CTNNA3: variants seen among roughly 807,000 people sequenced by gnomAD.
CTNNA3 encodes catenin alpha 3.
Under a neutral mutation model 95.7 loss-of-function variants are expected in CTNNA3, and 76 were observed. The observed-to-expected ratio is 0.79, with a 90% CI of 0.66 to 0.96. The LOEUF is 0.96. Ranked by LOEUF, CTNNA3 falls within the 40% of genes least tolerant of loss-of-function variation. CTNNA3 has a pLI of 0.00. For missense variants in CTNNA3, 1,191 were observed against 1,089.8 expected, an observed-to-expected ratio of 1.09 and a Z score of -1.31; for synonymous variants, 431 against 374.4, an observed-to-expected ratio of 1.15 and a Z score of -1.74.
At chr10:66,607,300 T>G (rs1026666395) in intron 10 of CTNNA3, among the ~76,000 whole-genome samples, 5 of 151,276 alleles carry the variant, frequency 3.3e-5, no homozygotes, top group Non-Finnish European at 7.4e-5. Flanking sequence ...AGCCCACCAA[T>G]CGAAGAAAAT....
intron 15 of CTNNA3, among the ~76,000 whole-genome samples, chr10:65,999,890 C>A: frequency 6.7e-6 from 1 of 150,192 alleles, no homozygotes. Flanking sequence ...AAACCAGAGG[C>A]CAGAAGTCTT....
intron 7 of CTNNA3, among the ~76,000 whole-genome samples, chr10:66,824,886 G>A (rs985204995): frequency 5.3e-5 from 8 of 152,100 alleles, no homozygotes; most frequent in Non-Finnish European, 1.0e-4. Flanking sequence ...CAAATGAAGT[G>A]TGGAGTTTGG....
At chr10:67,195,758 T>C (rs1415090240) in intron 6 of CTNNA3, among the ~76,000 whole-genome samples, 3 of 152,104 alleles carry the variant, frequency 2.0e-5, no homozygotes, top group Non-Finnish European at 4.4e-5. Flanking sequence ...GTAGAACTTA[T>C]ACACAGTCTT....
chr10:67,753,486 G>A (rs573947729), intron 1 of CTNNA3, among the ~76,000 whole-genome samples: 1 of 152,110 alleles, frequency 6.6e-6, no homozygotes, highest in South Asian at 2.1e-4. Flanking sequence ...AAATGAAAGA[G>A]CTTCTGCACA....
At chr10:67,632,352 G>A (rs992150925) in intron 2 of CTNNA3, among the ~76,000 whole-genome samples, 1 of 151,524 alleles carries the variant, frequency 6.6e-6, no homozygotes, top group Non-Finnish European at 1.5e-5. Context: ...CCCTGGGGTA[G>A]ATGGCGGCGG....
intron 13 of CTNNA3, among the ~76,000 whole-genome samples, chr10:66,115,440 CAA>C (rs1426353619): frequency 6.6e-6 from 1 of 151,742 alleles, no homozygotes; most frequent in Non-Finnish European, 1.5e-5. Context: ...AGTGGTTTTA[CAA>C]AAGTTTTCCA....
intron 5 of CTNNA3, among the ~76,000 whole-genome samples, chr10:67,429,690 G>GT (rs1467413118): frequency 6.6e-6 from 1 of 151,932 alleles, no homozygotes; most frequent in East Asian, 1.9e-4. Flanking sequence ...AATTGTGTAG[G>GT]TTTTTTTCTA....
chr10:67,329,064 T>A (rs1841673212), intron 5 of CTNNA3, among the ~76,000 whole-genome samples: 1 of 152,210 alleles, frequency 6.6e-6, no homozygotes, highest in African/African-American at 2.4e-5. Flanking sequence ...CCCACTGATC[T>A]AATGTTTAAT....
intron 13 of CTNNA3, among the ~76,000 whole-genome samples, chr10:66,161,798 G>C (rs536284472): frequency 6.6e-6 from 1 of 152,078 alleles, no homozygotes; most frequent in Non-Finnish European, 1.5e-5. Context: ...TATGTTTTCC[G>C]AATTTTTGGA....
Position 66,851,543 on chromosome 10 carries a change from G to A in CTNNA3, c.1048-76019C>T, listed in dbSNP as rs76631162. Among the ~76,000 whole-genome samples the A allele has an allele frequency of 4.0e-4, 61 of 152,004 alleles. No individual in the cohort carries two copies. In the East Asian group the frequency reaches 9.7e-3, roughly 24 times the overall value. ...TCTCCTGAATGGTTTAGCACCATCC[G>A]CGTGGTGCTCTACTCATGATAGTGA... On this transcript the variant is annotated intron_variant, in intron 7 of 17. Coordinates refer to ENST00000433211, the MANE Select transcript of CTNNA3 (RefSeq NM_013266.4).
chr10:65,994,842 C>CT lies in CTNNA3; in HGVS notation c.2160-6046dup, dbSNP rs944437565. 1.6e-4 allele frequency among the ~76,000 whole-genome samples: 24 copies of CT among 151,990 alleles called. 1 individual carries two copies. Among genetic ancestry groups the CT allele is most frequent in the Admixed American group, 1.4e-3 (21 of 15,244 alleles). On this transcript the variant is annotated intron_variant, in intron 15 of 17. Coordinates refer to ENST00000433211, the MANE Select transcript of CTNNA3 (RefSeq NM_013266.4). The stretch of plus-strand genomic sequence containing the variant: ...ATTTGTTACACAGGATTTGTACAAT[C>CT]TTTTTTTATTATTTATTCTATTTTG...
intron 13 of CTNNA3, among the ~76,000 whole-genome samples, chr10:66,270,077 T>G (rs955570638): frequency 1.2e-4 from 18 of 152,226 alleles, no homozygotes; most frequent in African/African-American, 4.3e-4. Flanking sequence ...CTACTGTCCT[T>G]AATTTTTGTA....
At chr10:67,622,793 G>A (rs1003171758) in intron 2 of CTNNA3, among the ~76,000 whole-genome samples, 1 of 152,156 alleles carries the variant, frequency 6.6e-6, no homozygotes, top group South Asian at 2.1e-4. Flanking sequence ...AGAAATTGGA[G>A]AATTCACTTT....
chr10:66,150,469 A>T (rs745666285), intron 13 of CTNNA3, among the ~76,000 whole-genome samples: 200 of 152,166 alleles, frequency 1.3e-3, no homozygotes, highest in Non-Finnish European at 2.1e-3. Flanking sequence ...TCTTTTAAAA[A>T]AATAGCTTAA....
intron 9 of CTNNA3, among the ~76,000 whole-genome samples, chr10:66,684,779 A>T (rs878994504): frequency 8.5e-5 from 13 of 152,126 alleles, no homozygotes; most frequent in Admixed American, 4.6e-4. Context: ...CACGTGCATG[A>T]TTCTAGAGGC....
chr10:66,424,578 T>C (rs1044679435), intron 11 of CTNNA3, among the ~76,000 whole-genome samples: 2 of 152,102 alleles, frequency 1.3e-5, no homozygotes, highest in Non-Finnish European at 2.9e-5. Context: ...TAAATTTGTT[T>C]TCACACATAA....
chr10:66,944,928 G>A lies in CTNNA3; in HGVS notation c.1048-169404C>T, dbSNP rs1293498940. On this transcript the variant is annotated intron_variant, in intron 7 of 17. Coordinates refer to ENST00000433211, the MANE Select transcript of CTNNA3 (RefSeq NM_013266.4). ...TAGGACTCAACAGGAGGCTTAAAAT[G>A]TCCAGTAAACCATGCTATAAACACA... Among the ~76,000 whole-genome samples the A allele has an allele frequency of 5.3e-5, 8 of 152,286 alleles. No individual in the cohort carries two copies. In the East Asian group the frequency reaches 1.5e-3, roughly 29 times the overall value.
At chr10:66,440,729 C>T (rs1210328868) in intron 11 of CTNNA3, among the ~76,000 whole-genome samples, 3 of 152,142 alleles carry the variant, frequency 2.0e-5, no homozygotes, top group Non-Finnish European at 4.4e-5. Flanking sequence ...GCACCCTCAT[C>T]TGACTAGCTC....
At chr10:67,605,478 G>A (rs1175531427) in intron 3 of CTNNA3, among the ~76,000 whole-genome samples, 1 of 152,114 alleles carries the variant, frequency 6.6e-6, no homozygotes, top group African/African-American at 2.4e-5. Context: ...TAATAATGCT[G>A]TATTCAGGAT....
Sources: allele counts gnomAD v4.1 joint callset (sites outside exome capture counted in the v4.1 genomes callset), GRCh38; gene constraint gnomAD v4.1.1; transcripts MANE v1.5; gene names NCBI Gene and HGNC (gene_info 2026-07-23, HGNC 2026-07-21).